The following JAZF1 variants were observed in gnomAD, a reference collection of about 807,000 sequenced individuals.
JAZF1 encodes the protein juxtaposed with another zinc finger protein 1.
In JAZF1, 8 loss-of-function variants were observed where a neutral mutation model predicts 26.4. The observed-to-expected ratio is 0.30, with a 90% CI of 0.18 to 0.55. The LOEUF is 0.55. Among genes scored for constraint, JAZF1 ranks in the 20% least tolerant of loss-of-function variants. JAZF1 has a pLI of 0.94. For synonymous variants in JAZF1, 126 were observed against 122.3 expected (o/e 1.03, Z -0.20); for missense variants, 199 against 322.0 (o/e 0.62, Z 2.92).
intron 1 of JAZF1, among the ~76,000 whole-genome samples, chr7:28,146,458 T>A (rs1188880125): frequency 1.3e-5 from 2 of 152,244 alleles, no homozygotes; most frequent in African/African-American, 4.8e-5. Context: ...AATCTTCAGA[T>A]AACTGAAATT....
At chr7:28,145,502 C>A (rs1346142192) in intron 1 of JAZF1, among the ~76,000 whole-genome samples, 1 of 152,124 alleles carries the variant, frequency 6.6e-6, no homozygotes, top group Non-Finnish European at 1.5e-5. Flanking sequence ...ATATTTAGCA[C>A]CATAGTTTCT....
intron 1 of JAZF1, among the ~76,000 whole-genome samples, chr7:28,164,892 C>T (rs1296217482): frequency 6.6e-6 from 1 of 152,132 alleles, no homozygotes; most frequent in Non-Finnish European, 1.5e-5. Flanking sequence ...ACACTTGGCT[C>T]GGCATGTGGC....
chr7:28,159,994 A>G (rs1783256712), intron 1 of JAZF1, among the ~76,000 whole-genome samples: 1 of 152,132 alleles, frequency 6.6e-6, no homozygotes, highest in Non-Finnish European at 1.5e-5. Context: ...CATGAGTTTG[A>G]TTTGCTTATA....
chr7:27,963,144 C>T (rs552168250), intron 2 of JAZF1, among the ~76,000 whole-genome samples: 11 of 152,168 alleles, frequency 7.2e-5, no homozygotes, highest in Non-Finnish European at 1.0e-4. Flanking sequence ...CATAATAATA[C>T]AGAATTTTCT....
At position 27,921,123 on chromosome 7, in the gene JAZF1, C is replaced by T. The variant is rs148975775; in HGVS notation, c.189-25707G>A. Among the ~76,000 whole-genome samples the T allele has an allele frequency of 8.6e-3, 1,317 of 152,262 alleles. 50 individuals carry two copies. The highest frequency in any genetic ancestry group is 0.067 in the Admixed American group (1,019 of 15,292). ...CAGTTTTAGTTTCAATAATTAAATG[C>T]CTTTTTGGTGGACTCCTGCTGCTAT... On this transcript the variant is annotated intron_variant, in intron 2 of 4. Coordinates refer to ENST00000283928, the MANE Select transcript of JAZF1 (RefSeq NM_175061.4).
intron 2 of JAZF1, among the ~76,000 whole-genome samples, chr7:27,986,007 T>C (rs1374536703): frequency 2.0e-5 from 3 of 152,192 alleles, no homozygotes; most frequent in East Asian, 3.8e-4. Context: ...GCCAATATCA[T>C]ACTGAATGGG....
intron 2 of JAZF1, among the ~76,000 whole-genome samples, chr7:27,938,416 GC>G: frequency 6.6e-6 from 1 of 152,240 alleles, no homozygotes; most frequent in East Asian, 1.9e-4. Flanking sequence ...CTCTGTCCTG[GC>G]CCATTCATCT....
chr7:27,977,792 A>C (rs1049582476), intron 2 of JAZF1, among the ~76,000 whole-genome samples: 11 of 152,182 alleles, frequency 7.2e-5, no homozygotes, highest in African/African-American at 2.7e-4. Context: ...TCCTCAGTTC[A>C]GCGAAGCTGC....
intron 2 of JAZF1, among the ~76,000 whole-genome samples, chr7:27,958,506 T>C (rs1359727277): frequency 6.6e-6 from 1 of 152,140 alleles, no homozygotes; most frequent in East Asian, 1.9e-4. Flanking sequence ...CAACCCCTAG[T>C]TTGTGTGCTG....
chr7:28,083,311 T>C (rs1438194095), intron 1 of JAZF1, among the ~76,000 whole-genome samples: 1 of 152,174 alleles, frequency 6.6e-6, no homozygotes, highest in Non-Finnish European at 1.5e-5. Context: ...AACCCCAGAA[T>C]CTGCACAAGG....
intron 2 of JAZF1, among the ~76,000 whole-genome samples, chr7:27,942,614 C>T (rs1375371495): frequency 6.6e-6 from 1 of 152,180 alleles, no homozygotes; most frequent in Admixed American, 6.5e-5. Context: ...GCAACATCCA[C>T]AACTTGTAAG....
At chr7:27,898,343 C>T (rs1483707181) in intron 2 of JAZF1, among the ~76,000 whole-genome samples, 8 of 117,160 alleles carry the variant, frequency 6.8e-5, no homozygotes, top group East Asian at 2.4e-4. Context: ...GATGGAGTCT[C>T]GCACTGTTGC....
At chr7:27,914,095 GA>G (rs1784406392) in intron 2 of JAZF1, among the ~76,000 whole-genome samples, 2 of 152,324 alleles carry the variant, frequency 1.3e-5, no homozygotes, top group South Asian at 4.1e-4. Context: ...AGGGGCAGGA[GA>G]AACAAAATGT....
At chr7:27,926,580 C>T (rs1784603295) in intron 2 of JAZF1, among the ~76,000 whole-genome samples, 1 of 152,220 alleles carries the variant, frequency 6.6e-6, no homozygotes, top group South Asian at 2.1e-4. Flanking sequence ...TGTCATCTCT[C>T]ATTCATTGCC....
At chr7:27,879,765 GA>G (rs1009006327) in intron 3 of JAZF1, among the ~76,000 whole-genome samples, 4 of 152,000 alleles carry the variant, frequency 2.6e-5, no homozygotes, top group Non-Finnish European at 4.4e-5. Flanking sequence ...AGGAACCAAT[GA>G]AAAAATATTA....
intron 1 of JAZF1, among the ~76,000 whole-genome samples, chr7:28,009,244 A>G (rs948078468): frequency 6.6e-6 from 1 of 151,786 alleles, no homozygotes; most frequent in Admixed American, 6.6e-5. Context: ...ATACTTTCAA[A>G]AAAAAAAAAG....
At chr7:27,980,055 T>C (rs1785551125) in intron 2 of JAZF1, among the ~76,000 whole-genome samples, 1 of 152,216 alleles carries the variant, frequency 6.6e-6, no homozygotes, top group African/African-American at 2.4e-5. Flanking sequence ...CCAGGTGTCC[T>C]ACCCTATTTT....
At chr7:27,991,856 G>C in intron 2 of JAZF1, 53 bp downstream of exon 2, 1 of 939,832 alleles carries the variant, frequency 1.1e-6, no homozygotes. Flanking sequence ...TGTTTAAAAA[G>C]TCAATAAGCA....
Position 28,114,865 on chromosome 7 carries a change from T to A in JAZF1, c.115+65598A>T, listed in dbSNP as rs1245636390. ...ACGGGGCTTATAGATGAGTAGGAAT[T>A]TTCTGGGCAACAAAATGGGGGTGAA... On this transcript the variant is annotated intron_variant, in intron 1 of 4. Coordinates refer to ENST00000283928, the MANE Select transcript of JAZF1 (RefSeq NM_175061.4). Among the ~76,000 whole-genome samples, 3 of 151,516 alleles carry A rather than the reference T, an allele frequency of 2.0e-5. No homozygotes were observed. The East Asian group carries it at 5.8e-4, about 30-fold the overall frequency.
Sources: allele counts gnomAD v4.1 joint callset (sites outside exome capture counted in the v4.1 genomes callset), GRCh38; gene constraint gnomAD v4.1.1; transcripts MANE v1.5; gene names NCBI Gene and HGNC (gene_info 2026-07-23, HGNC 2026-07-21).